TENM2: variants seen among roughly 807,000 people sequenced by gnomAD.
TENM2 encodes the protein teneurin transmembrane protein 2.
TENM2 carries 52 observed loss-of-function variants against 245.2 expected under a neutral mutation model. The observed-to-expected ratio is 0.21, with a 90% CI of 0.17 to 0.27. The LOEUF (loss-of-function observed/expected upper bound fraction) is 0.27. Ranked by LOEUF, TENM2 falls within the 10% of genes least tolerant of loss-of-function variation. TENM2 has a pLI of 1.00. For missense variants in TENM2, 3,046 were observed against 3,666.8 expected, an observed-to-expected ratio of 0.83 and a Z score of 4.37; for synonymous variants, 1,363 against 1,438.9, an observed-to-expected ratio of 0.95 and a Z score of 1.19.
chr5:167,444,213 C>A (rs796756169), intron 2 of TENM2, among the ~76,000 whole-genome samples: 3 of 152,018 alleles, frequency 2.0e-5, no homozygotes, highest in African/African-American at 7.2e-5. Context: ...TATTAACTTT[C>A]TTTTATATTT....
chr5:168,174,756 T>G (rs1343222837), intron 13 of TENM2, among the ~76,000 whole-genome samples: 1 of 152,216 alleles, frequency 6.6e-6, no homozygotes, highest in East Asian at 1.9e-4. Context: ...GGTGGCCACT[T>G]CATTAGCATA....
Position 167,899,942 on chromosome 5 carries a change from G to A in TENM2, c.712+23747G>A, listed in dbSNP as rs116034192. Among the ~76,000 whole-genome samples the A allele has an allele frequency of 2.6e-3, 393 of 151,942 alleles. 2 individuals are homozygous for A. The highest frequency in any genetic ancestry group is 4.2e-3 in the Non-Finnish European group (286 of 67,994). ...AAAGGTCTTGTTTAAATCCACTCAC[G>A]CAAAGACGTTCTCAATTTAAGGCTT... On this transcript the variant is annotated intron_variant, in intron 3 of 28. Transcript: ENST00000518659.
At chr5:167,405,674 C>A (rs1762590080) in intron 2 of TENM2, among the ~76,000 whole-genome samples, 1 of 151,614 alleles carries the variant, frequency 6.6e-6, no homozygotes, top group South Asian at 2.1e-4. Context: ...TGTTTCTGTT[C>A]ATCTCTTCCT....
At chr5:167,306,789 C>A (rs1420791819) in intron 1 of TENM2, among the ~76,000 whole-genome samples, 1 of 152,160 alleles carries the variant, frequency 6.6e-6, no homozygotes, top group African/African-American at 2.4e-5. Context: ...TACCCTCTTT[C>A]TCTAACACAG....
chr5:167,494,325 AG>A (rs1383909466), intron 2 of TENM2, among the ~76,000 whole-genome samples: 1 of 152,152 alleles, frequency 6.6e-6, no homozygotes, highest in Non-Finnish European at 1.5e-5. Flanking sequence ...ACTTACCTAA[AG>A]GGTTGAAAGG....
intron 2 of TENM2, among the ~76,000 whole-genome samples, chr5:167,456,974 T>C (rs1765962110): frequency 6.6e-6 from 1 of 152,232 alleles, no homozygotes; most frequent in South Asian, 2.1e-4. Context: ...TGAGAATTTC[T>C]CAGTCCACTC....
At chr5:167,053,595 G>T in the TENM2 span, among the ~76,000 whole-genome samples, 3 of 152,082 alleles carry the variant, frequency 2.0e-5, no homozygotes, top group Non-Finnish European at 4.4e-5. Context: ...CTTGGGCTGG[G>T]CAGAGTGGAG....
intron 2 of TENM2, among the ~76,000 whole-genome samples, chr5:167,507,970 C>T (rs920673183): frequency 6.6e-6 from 1 of 151,810 alleles, no homozygotes; most frequent in African/African-American, 2.4e-5. Flanking sequence ...AAATGATTAG[C>T]GGAATGAGAA....
chr5:167,610,063 A>C (rs1157039485), intron 2 of TENM2, among the ~76,000 whole-genome samples: 3 of 152,108 alleles, frequency 2.0e-5, no homozygotes, highest in Non-Finnish European at 4.4e-5. Flanking sequence ...AATTCAATTA[A>C]TTTGCTAGAG....
chr5:168,201,966 C>T (rs1017319915), intron 17 of TENM2, among the ~76,000 whole-genome samples: 1 of 152,164 alleles, frequency 6.6e-6, no homozygotes, highest in Admixed American at 6.5e-5. Flanking sequence ...TTGAAGCTTT[C>T]TCAGGTTCAG....
the TENM2 span, among the ~76,000 whole-genome samples, chr5:167,033,295 A>G: frequency 6.6e-6 from 1 of 152,242 alleles, no homozygotes; most frequent in Non-Finnish European, 1.5e-5. Context: ...TCACATCAAT[A>G]AAACTGAACT....
intron 2 of TENM2, among the ~76,000 whole-genome samples, chr5:167,566,318 G>C (rs1773905065): frequency 6.6e-6 from 1 of 152,072 alleles, no homozygotes; most frequent in Non-Finnish European, 1.5e-5. Context: ...AGATGCACTA[G>C]AGTGTACACC....
chr5:167,221,444 G>A, the TENM2 span, among the ~76,000 whole-genome samples: 3 of 152,182 alleles, frequency 2.0e-5, no homozygotes, highest in African/African-American at 7.2e-5. Context: ...TGCAAAAGCA[G>A]GTAAAGAGAA....
At chr5:167,198,346 C>A in the TENM2 span, among the ~76,000 whole-genome samples, 1 of 152,122 alleles carries the variant, frequency 6.6e-6, no homozygotes, top group Non-Finnish European at 1.5e-5. Context: ...AATTTCTGTG[C>A]AGTTCACAGA....
chr5:168,109,581 C>T (rs1251337483), intron 9 of TENM2, among the ~76,000 whole-genome samples: 5 of 152,178 alleles, frequency 3.3e-5, no homozygotes, highest in Admixed American at 6.5e-5. Flanking sequence ...GGGCTCCACC[C>T]GGAATTTCTG....
chr5:167,145,232 C>T, the TENM2 span, among the ~76,000 whole-genome samples: 1 of 152,180 alleles, frequency 6.6e-6, no homozygotes, highest in Non-Finnish European at 1.5e-5. Context: ...ACACGGACAT[C>T]TTTGGGAGGC....
intron 2 of TENM2, among the ~76,000 whole-genome samples, chr5:167,688,199 C>A (rs1277251516): frequency 6.6e-6 from 1 of 152,170 alleles, no homozygotes; most frequent in African/African-American, 2.4e-5. Flanking sequence ...CTTCTCTTAC[C>A]CCTCTGTCAT....
chr5:168,262,307 A>G (rs1768269746), exon 29 of TENM2: 1 of 1,610,524 alleles, frequency 6.2e-7, no homozygotes, highest in African/African-American at 1.3e-5. Context: ...CTACCTGGAC[A>G]AGATGCACTA....
chr5:167,547,468 T>C (rs1487169990), intron 2 of TENM2, among the ~76,000 whole-genome samples: 1 of 152,244 alleles, frequency 6.6e-6, no homozygotes, highest in Non-Finnish European at 1.5e-5. Context: ...TACAAATGCT[T>C]CTCAACCACA....
Sources: gnomAD v4.1 joint callset for allele counts (sites outside exome capture counted in the v4.1 genomes callset) on GRCh38, gnomAD v4.1.1 for gene constraint, MANE v1.5 for transcripts, NCBI Gene and HGNC (gene_info 2026-07-23, HGNC 2026-07-21) for gene names.